The following TRIP11 variants were observed in gnomAD, a reference collection of about 807,000 sequenced individuals.
TRIP11 encodes thyroid hormone receptor interactor 11.
Under a neutral mutation model 223.1 loss-of-function variants are expected in TRIP11, and 148 were observed. That is an observed-to-expected ratio of 0.66 (90% CI 0.58 to 0.76). TRIP11 has a LOEUF of 0.76. Among genes scored for constraint, TRIP11 ranks in the 30% least tolerant of loss-of-function variants. The probability of loss-of-function intolerance (pLI) is 0.00; values close to 1 mark genes in which losing one functional copy is unlikely to be tolerated. For missense variants in TRIP11, 2,043 were observed against 2,222.0 expected (o/e 0.92, Z 1.62); for synonymous variants, 762 against 772.6 (o/e 0.99, Z 0.23).
chr14:92,010,486 C>T (rs572415984), intron 9 of TRIP11, among the ~76,000 whole-genome samples: 94 of 151,954 alleles, frequency 6.2e-4, no homozygotes, highest in African/African-American at 2.2e-3. Flanking sequence ...CCCGAGATTG[C>T]GCCACTGCAC....
intron 15 of TRIP11, among the ~76,000 whole-genome samples, chr14:91,989,938 G>T (rs2056652130): frequency 6.6e-6 from 1 of 152,094 alleles, no homozygotes; most frequent in South Asian, 2.1e-4. Flanking sequence ...GCTGCCTGTG[G>T]ACAACAGCTT....
chr14:91,987,225 G>T (rs1396283064), intron 16 of TRIP11, among the ~76,000 whole-genome samples: 2 of 152,142 alleles, frequency 1.3e-5, no homozygotes, highest in African/African-American at 4.8e-5. Context: ...TTACAAGGTA[G>T]AAGACTTTTG....
rs1183861416 is a variant in TRIP11, at chr14:91,966,894, A to G, written c.*2779T>C. The G allele has an allele frequency of 4.6e-6, 1 of 215,180 alleles. No homozygotes were observed. The highest frequency in any genetic ancestry group is 9.4e-6 in the Non-Finnish European group (1 of 106,800). 13.3% of individuals were successfully genotyped at this position (215,180 alleles called of 1,614,324 possible). A position where few individuals can be genotyped will look rare whatever the true frequency, so the allele number is the denominator to read the frequency against. On this transcript the variant is annotated 3_prime_UTR_variant, in exon 21 of 21. Transcript: ENST00000267622. ...GAGTGGATAGAGAAATAAACAGAAAAATTACTGTAGTTAAAATATTGCAGT... is the reference window on the plus strand; with the variant it reads ...GAGTGGATAGAGAAATAAACAGAAAGATTACTGTAGTTAAAATATTGCAGT...
intron 1 of TRIP11, among the ~76,000 whole-genome samples, chr14:92,035,822 C>A (rs963987842): frequency 2.0e-5 from 3 of 152,132 alleles, no homozygotes; most frequent in African/African-American, 7.2e-5. Flanking sequence ...CTCAGGTGAT[C>A]CTGAGGCCCT....
chr14:92,006,849 G>A (rs1346185474), intron 10 of TRIP11, among the ~76,000 whole-genome samples: 1 of 151,366 alleles, frequency 6.6e-6, no homozygotes, highest in Middle Eastern at 3.2e-3. Flanking sequence ...TGTATTTTTA[G>A]TAGAGATGGG....
At chr14:92,039,222 C>T (rs10144384) in intron 1 of TRIP11, among the ~76,000 whole-genome samples, 26 of 152,250 alleles carry the variant, frequency 1.7e-4, no homozygotes, top group African/African-American at 6.3e-4. Context: ...ATGAGATCAG[C>T]CCCCAAACTG....
At chr14:92,006,631 C>A (rs2056906731) in intron 10 of TRIP11, among the ~76,000 whole-genome samples, 183 bp from the exon 11 acceptor site, 2 of 152,110 alleles carry the variant, frequency 1.3e-5, no homozygotes, top group Non-Finnish European at 2.9e-5. Flanking sequence ...TTACAGCAAA[C>A]CCATCTTGTC....
At chr14:91,976,407 A>C (rs1234061322) in intron 16 of TRIP11, among the ~76,000 whole-genome samples, 1 of 152,206 alleles carries the variant, frequency 6.6e-6, no homozygotes, top group Non-Finnish European at 1.5e-5. Context: ...CACATGGTTT[A>C]CTCCCAAGAA....
intron 10 of TRIP11, 53 bp from the exon 11 acceptor site, chr14:92,006,501 CAAAG>C: frequency 3.2e-6 from 5 of 1,579,890 alleles, no homozygotes; most frequent in Non-Finnish European, 4.3e-6. Flanking sequence ...TTTTAGTACT[CAAAG>C]AAAATTTTAT....
At chr14:91,984,667 A>G (rs1323997335) in intron 16 of TRIP11, among the ~76,000 whole-genome samples, 2 of 152,176 alleles carry the variant, frequency 1.3e-5, no homozygotes, top group Non-Finnish European at 2.9e-5. Flanking sequence ...GCAGAGAACA[A>G]GAAGGAAAGG....
Position 91,978,776 on chromosome 14 carries a change from A to C in TRIP11, c.5261-2587T>G, listed in dbSNP as rs1052436707. ...AGCCTTCCAAAATGTTGGGATTACAAGTGTGAGCCACTGTGCCTGTCCCTA... is the reference window on the plus strand; with the variant it reads ...AGCCTTCCAAAATGTTGGGATTACACGTGTGAGCCACTGTGCCTGTCCCTA... On this transcript the variant is annotated intron_variant, in intron 16 of 20. Transcript: ENST00000267622. This position sits in a 1 kb window ranked among gnomAD's most constrained non-coding sequence, Gnocchi z 4.4. Among the ~76,000 whole-genome samples the C allele has an allele frequency of 6.6e-6, 1 of 152,166 alleles. No individual in the cohort carries two copies. The highest frequency in any genetic ancestry group is 1.9e-4 in the East Asian group (1 of 5,188).
intron 2 of TRIP11, among the ~76,000 whole-genome samples, chr14:92,025,951 AT>A (rs1160155201): frequency 6.6e-6 from 1 of 152,178 alleles, no homozygotes; most frequent in African/African-American, 2.4e-5. Context: ...AAACAGTGAA[AT>A]ATTAACATTT....
intron 3 of TRIP11, among the ~76,000 whole-genome samples, chr14:92,023,402 T>A (rs770505796): frequency 6.6e-6 from 1 of 152,248 alleles, no homozygotes; most frequent in Non-Finnish European, 1.5e-5. Context: ...ATGTTTCATA[T>A]ACACCTTATA....
At chr14:91,972,941 C>G (rs540604819) in intron 19 of TRIP11, 80 bp from the exon 20 acceptor site, 6 of 1,142,444 alleles carry the variant, frequency 5.3e-6, no homozygotes, top group African/African-American at 1.6e-5. Flanking sequence ...ACCAGCTTTT[C>G]TAATTAAATA....
chr14:92,011,945 C>T (rs1388800340), intron 7 of TRIP11, 150 bp from the exon 8 acceptor site: 1 of 680,218 alleles, frequency 1.5e-6, no homozygotes, highest in Non-Finnish European at 2.5e-6. Flanking sequence ...TATTTGTATT[C>T]CTGTTTTGTC....
In TRIP11 at chr14:91,972,755, C is replaced by T; in HGVS notation, c.5681G>A (p.Arg1894Lys). ...TGGTGCATTTGTATCTCTTTTTCTTCTTCCTGGTGAATCCAGAGGTTTCAT... is the reference window on the plus strand; with the variant it reads ...TGGTGCATTTGTATCTCTTTTTCTTTTTCCTGGTGAATCCAGAGGTTTCAT... ...HDMKPLDSPGRRKRDTNAPES... is the reference protein window; with the variant it reads ...HDMKPLDSPGKRKRDTNAPES... The change falls in exon 20 of 21, where the codon AGA (arginine) becomes AAA (lysine). Residue 1894 changes from arginine to lysine, a missense_variant. Coordinates refer to ENST00000267622, the MANE Select transcript of TRIP11 (RefSeq NM_004239.4). 1 of 1,612,202 alleles carries T rather than the reference C, an allele frequency of 6.2e-7. No individual in the cohort carries two copies. Among genetic ancestry groups the T allele is most frequent in the Non-Finnish European group, 8.5e-7 (1 of 1,179,352 alleles).
intron 16 of TRIP11, among the ~76,000 whole-genome samples, chr14:91,980,990 TTA>T (rs200939525): frequency 0.021 from 1,545 of 75,198 alleles, 76 homozygotes; most frequent in African/African-American, 0.031. Flanking sequence ...TATATGTATA[TTA>T]TATATATATA....
chr14:91,973,932 G>A (rs527574062), intron 19 of TRIP11, among the ~76,000 whole-genome samples: 14 of 152,306 alleles, frequency 9.2e-5, no homozygotes, highest in Admixed American at 7.8e-4. Context: ...GGAGACTGAG[G>A]CAGGAGAACT....
intron 2 of TRIP11, among the ~76,000 whole-genome samples, chr14:92,028,869 T>C (rs2057223093): frequency 6.6e-6 from 1 of 152,232 alleles, no homozygotes; most frequent in African/African-American, 2.4e-5. Flanking sequence ...TCTTTGGTTA[T>C]ACCATTAGGG....
Sources: allele counts gnomAD v4.1 joint callset (sites outside exome capture counted in the v4.1 genomes callset), GRCh38; gene constraint gnomAD v4.1.1; non-coding constraint Gnocchi (gnomAD v3.1); transcripts MANE v1.5; gene names NCBI Gene and HGNC (gene_info 2026-07-23, HGNC 2026-07-21).